The following TBX2 variants were observed in gnomAD, a reference collection of about 807,000 sequenced individuals.
The protein encoded by TBX2 is T-box transcription factor TBX2.
A neutral mutation model predicts 48.4 loss-of-function variants in TBX2; 19 were observed. That is an observed-to-expected ratio of 0.39 (90% CI 0.27 to 0.58). The LOEUF (loss-of-function observed/expected upper bound fraction) is 0.58. TBX2 is among the 20% of genes least tolerant of loss of function. The pLI is 0.54. For missense variants in TBX2, 994 were observed against 1,006.5 expected (o/e 0.99, Z 0.17); for synonymous variants, 522 against 459.7 (o/e 1.14, Z -1.73).
Position 61,403,275 on chromosome 17 carries a change from C to A in TBX2, c.810+68C>A. On this transcript the variant is annotated intron_variant, in intron 3 of 6. Coordinates refer to ENST00000240328, the MANE Select transcript of TBX2 (RefSeq NM_005994.4). The surrounding 1 kb of genome is among the most constrained non-coding windows in gnomAD (Gnocchi z 5.8). ...CCTCAACACGTGCAGGCCCAACCGT[C>A]CGTTCATCGCCCCTCGAAGCCCCCT... 1.3e-6 allele frequency: 2 copies of A among 1,572,664 alleles called. No homozygotes were observed. Among genetic ancestry groups the A allele is most frequent in the South Asian group, 2.3e-5 (2 of 87,156 alleles).
Position 61,405,408 on chromosome 17 carries a change from A to C in TBX2, c.1258A>C (p.Arg420=). 1 of 1,542,256 alleles carries C rather than the reference A, an allele frequency of 6.5e-7. No homozygotes were observed. Among genetic ancestry groups the C allele is most frequent in the Non-Finnish European group, 8.7e-7 (1 of 1,147,946 alleles). ...ESGGDGPFGL[R]SLEKERAEAR... ...CGGCGGGGACGGCCCGTTCGGCCTGAGGAGCCTGGAGAAGGAGCGCGCCGA... is the reference window on the plus strand; with the variant it reads ...CGGCGGGGACGGCCCGTTCGGCCTGCGGAGCCTGGAGAAGGAGCGCGCCGA... Residue 420 remains arginine, a synonymous_variant, in exon 6 of 7, where the codon AGG becomes CGG. Coordinates refer to ENST00000240328, the MANE Select transcript of TBX2 (RefSeq NM_005994.4).
In TBX2 at chr17:61,404,700, C is replaced by A. The variant is rs747359210; in HGVS notation, c.982C>A (p.Pro328Thr). The change falls in exon 5 of 7, where the codon CCC becomes ACC. Residue 328 changes from proline (P) to threonine (T), a missense_variant. Coordinates refer to ENST00000240328, the MANE Select transcript of TBX2 (RefSeq NM_005994.4). ...GTCAGACGCCTCGTCGTGCGACCCT[C>A]CCCCCGCGCGGGAACCACCCACCTC... ...AESDASSCDP[P>T]PAREPPTSPG... 26 of 1,568,518 alleles carry A rather than the reference C, an allele frequency of 1.7e-5. No individual in the cohort carries two copies. The African/African-American group carries it at 1.9e-4, about 11-fold the overall frequency.
chr17:61,408,371 G>A lies in TBX2; in HGVS notation c.2004G>A (p.Gly668=), dbSNP rs1449601635. The A allele has an allele frequency of 1.3e-6, 2 of 1,577,058 alleles. No individual in the cohort carries two copies. Among genetic ancestry groups the A allele is most frequent in the African/African-American group, 2.7e-5 (2 of 73,586 alleles). ...CCGAGCTGGCTCTCCGCAAAGTAGG[G>A]GCCCCATCCCGCGGTGCCCTGTCGC... ...PLPELALRKV[G]APSRGALSPS... The change falls in exon 7 of 7, where the codon GGG becomes GGA. Residue 668 remains glycine, a synonymous_variant. Coordinates refer to ENST00000240328, the MANE Select transcript of TBX2 (RefSeq NM_005994.4).
Position 61,409,203 on chromosome 17 carries a change from T to C in TBX2, c.*697T>C, listed in dbSNP as rs973671671. On this transcript the variant is annotated 3_prime_UTR_variant, in exon 7 of 7. Coordinates refer to ENST00000240328, the MANE Select transcript of TBX2 (RefSeq NM_005994.4). Reference sequence around the variant, plus strand: ...ATTGCTGTGTACATATATTTAGAGATTAACTCATACATTTAAAGTTTTTTT... The same window carrying C: ...ATTGCTGTGTACATATATTTAGAGACTAACTCATACATTTAAAGTTTTTTT... 4.6e-5 allele frequency: 7 copies of C among 152,664 alleles called. No individual in the cohort carries two copies. The highest frequency in any genetic ancestry group is 1.7e-4 in the African/African-American group (7 of 41,472). The allele number at this position is 152,664 out of a possible 1,614,324, so 9.5% of individuals were successfully genotyped here.
Position 61,408,113 on chromosome 17 carries a change from A to C in TBX2, c.1746A>C (p.Ala582=). The C allele has an allele frequency of 6.2e-7, 1 of 1,609,974 alleles. No individual in the cohort carries two copies. The highest frequency in any genetic ancestry group is 1.3e-5 in the African/African-American group (1 of 74,968). Residue 582 remains alanine (A), a synonymous_variant, in exon 7 of 7, where the codon GCA becomes GCC. Coordinates refer to ENST00000240328, the MANE Select transcript of TBX2 (RefSeq NM_005994.4). ...CCTACCCCTACACCTACATGGCAGC[A>C]GCAGCCGCAGCCGCCTCGGCTTTGC... ...LFPYPYTYMA[A]AAAAASALPA...
Position 61,404,666 on chromosome 17 carries a change from T to G in TBX2, c.948T>G (p.Asp316Glu), listed in dbSNP as rs1300270436. The stretch of plus-strand genomic sequence containing the variant: ...AGGAGCACTGCAAACCCGAGCGCGA[T>G]GGCGCGGAGTCAGACGCCTCGTCGT... ...LYEEHCKPERDGAESDASSCD... is the reference protein window; with the variant it reads ...LYEEHCKPEREGAESDASSCD... Residue 316 changes from aspartate to glutamate, a missense_variant, in exon 5 of 7, where the codon GAT (aspartate) becomes GAG (glutamate). By Grantham distance (45) the Asp-to-Glu change is conservative (BLOSUM62 2). Coordinates refer to ENST00000240328, the MANE Select transcript of TBX2 (RefSeq NM_005994.4). The G allele has an allele frequency of 6.3e-7, 1 of 1,587,220 alleles. No homozygotes were observed. The highest frequency in any genetic ancestry group is 8.6e-7 in the Non-Finnish European group (1 of 1,167,290).
chr17:61,402,090 C>T (rs1424142218), intron 2 of TBX2, 139 bp downstream of exon 2: 1 of 1,307,526 alleles, frequency 7.6e-7, no homozygotes, highest in African/African-American at 1.5e-5. Flanking sequence ...GGGTCACTGC[C>T]CTGTGGTCTA....
chr17:61,401,542 G>GGT, intron 1 of TBX2, 142 bp from the exon 2 acceptor site: 1 of 1,200,600 alleles, frequency 8.3e-7, no homozygotes, highest in Non-Finnish European at 1.1e-6. Flanking sequence ...GCAGTGATGA[G>GGT]AGGGCAGAGC....
chr17:61,407,995 C>T, intron 6 of TBX2, 59 bp from the exon 7 acceptor site: 14 of 1,509,740 alleles, frequency 9.3e-6, no homozygotes, highest in Non-Finnish European at 1.2e-5. Context: ...GCACCCAGCC[C>T]AACTTCAGAA....
Position 61,400,377 on chromosome 17 carries a change from G to GGCC in TBX2, c.203_204insCGC (p.Ala71dup). On this transcript the variant is annotated inframe_insertion, in exon 1 of 7. Transcript: ENST00000240328. This position sits in a 1 kb window ranked among gnomAD's most constrained non-coding sequence, Gnocchi z 9.2. ...GGGCGGCGGCCGCGGCGGCGGCGGCGGCAGCAGCGGCCGAGGCGGGGCTGC... is the reference window on the plus strand; with the variant it reads ...GGGCGGCGGCCGCGGCGGCGGCGGCGGCCGCAGCAGCGGCCGAGGCGGGGCTGC... The GGCC allele has an allele frequency of 8.9e-7, 1 of 1,119,002 alleles. No homozygotes were observed. The highest frequency in any genetic ancestry group is 1.1e-6 in the Non-Finnish European group (1 of 916,556). 69.3% of individuals were successfully genotyped at this position (1,119,002 alleles called of 1,614,324 possible).
In TBX2 at chr17:61,404,766, C is replaced by A; in HGVS notation, c.1048C>A (p.Arg350=). The change falls in exon 5 of 7, where the codon CGA becomes AGA. Residue 350 remains arginine (R), a synonymous_variant. Coordinates refer to ENST00000240328, the MANE Select transcript of TBX2 (RefSeq NM_005994.4). Reference sequence around the variant, plus strand: ...CAGTCCGCTGCGCCTGCACCGGGCCCGAGGTGAGGGTCGGACCGGAGGAGG... The same window carrying A: ...CAGTCCGCTGCGCCTGCACCGGGCCAGAGGTGAGGGTCGGACCGGAGGAGG... ...APSPLRLHRA[R]AEEKSCAADS... 6.5e-7 allele frequency: 1 copy of A among 1,546,664 alleles called. No individual in the cohort carries two copies. The highest frequency in any genetic ancestry group is 8.7e-7 in the Non-Finnish European group (1 of 1,149,446).
rs1057987 is a variant in TBX2 at position 61,408,194 on chromosome 17, C to A, written c.1827C>A (p.Ser609Arg). 6.2e-7 allele frequency: 1 copy of A among 1,612,442 alleles called. No individual in the cohort carries two copies. Among genetic ancestry groups the A allele is most frequent in the African/African-American group, 1.3e-5 (1 of 74,860 alleles). The part of the protein sequence containing the change: ...AAAAAGSLSR[S>R]PFLGSARPRL... ...CAGCCGCCGGCTCCCTCTCCCGGAG[C>A]CCCTTCCTGGGCAGTGCCCGGCCCC... Residue 609 changes from serine to arginine, a missense_variant, in exon 7 of 7, where the codon AGC (serine) becomes AGA (arginine). Physicochemically the swap from Ser to Arg is moderately radical, Grantham distance 110. Coordinates refer to ENST00000240328, the MANE Select transcript of TBX2 (RefSeq NM_005994.4).
intron 1 of TBX2, among the ~76,000 whole-genome samples, chr17:61,401,098 C>T (rs2060262258): frequency 6.6e-6 from 1 of 152,202 alleles, no homozygotes; most frequent in South Asian, 2.1e-4. Flanking sequence ...CCGCGGGCAT[C>T]CGAGCCCTGG....
chr17:61,400,264 C>A lies in TBX2; in HGVS notation c.88C>A (p.Leu30Met). The A allele has an allele frequency of 8.3e-7, 1 of 1,198,712 alleles. No individual in the cohort carries two copies. Among genetic ancestry groups the A allele is most frequent in the Non-Finnish European group, 1.1e-6 (1 of 942,532 alleles). 74.3% of individuals were successfully genotyped at this position (1,198,712 alleles called of 1,614,324 possible). A position where few individuals can be genotyped will look rare whatever the true frequency, so the allele number is the denominator to read the frequency against. Residue 30 changes from leucine (L) to methionine (M), a missense_variant, in exon 1 of 7, where the codon CTG (leucine) becomes ATG (methionine). Physicochemically the swap from Leu to Met is conservative, Grantham distance 15. This residue lies in a region of TBX2 where 165 missense variants were observed against 136.8 expected (regional missense o/e 1.21). Transcript: ENST00000240328. The surrounding 1 kb of genome is among the most constrained non-coding windows in gnomAD (Gnocchi z 9.2). Reference protein sequence around the residue: ...RPADFPMSAFLAAAQPSFFPA... With the variant: ...RPADFPMSAFMAAAQPSFFPA... ...CGCCGACTTCCCCATGTCCGCCTTT[C>A]TGGCGGCGGCGCAGCCCTCCTTCTT...
At position 61,401,255 on chromosome 17, in the gene TBX2, G is replaced by T. The variant is rs117372722; in HGVS notation, c.396-429G>T. Among the ~76,000 whole-genome samples the T allele has an allele frequency of 9.2e-3, 1,391 of 151,888 alleles. 7 individuals are homozygous for T. The highest frequency in any genetic ancestry group is 0.012 in the Non-Finnish European group (828 of 67,984). ...CCAGGATGTCTTATCAGGCTCTGTA[G>T]CCCAGTTCCCAATACAAACACCCTC... On this transcript the variant is annotated intron_variant, in intron 1 of 6. Transcript: ENST00000240328.
chr17:61,407,699 G>T (rs917795274), intron 6 of TBX2: 2 of 239,932 alleles, frequency 8.3e-6, no homozygotes, highest in South Asian at 1.2e-4. Flanking sequence ...GACACCCAAA[G>T]CTGCCTGTTT....
In TBX2 at chr17:61,404,729, G is replaced by A. The variant is rs774436877; in HGVS notation, c.1011G>A (p.Pro337=). 3 of 1,553,594 alleles carry A rather than the reference G, an allele frequency of 1.9e-6. No homozygotes were observed. Among genetic ancestry groups the A allele is most frequent in the South Asian group, 2.3e-5 (2 of 85,198 alleles). ...PPPAREPPTS[P]GAAPSPLRLH... ...CCGCGCGGGAACCACCCACCTCCCCGGGCGCAGCGCCCAGTCCGCTGCGCC... is the reference window on the plus strand; with the variant it reads ...CCGCGCGGGAACCACCCACCTCCCCAGGCGCAGCGCCCAGTCCGCTGCGCC... Residue 337 remains proline, a synonymous_variant, in exon 5 of 7, where the codon CCG becomes CCA. Coordinates refer to ENST00000240328, the MANE Select transcript of TBX2 (RefSeq NM_005994.4).
chr17:61,404,976 C>T, intron 5 of TBX2: 1 of 1,254,292 alleles, frequency 8.0e-7, no homozygotes, highest in Non-Finnish European at 1.1e-6. Context: ...GAGCCTGGCC[C>T]CTTGGGCGCC....
At position 61,407,970 on chromosome 17, in the gene TBX2, G is replaced by A. The variant is rs1201710439; in HGVS notation, c.1687-84G>A. 1.0e-5 allele frequency: 15 copies of A among 1,458,918 alleles called. No homozygotes were observed. In the South Asian group the frequency reaches 1.5e-4, roughly 15 times the overall value. The allele number at this position is 1,458,918 out of a possible 1,614,324, so 90.4% of individuals were successfully genotyped here. On this transcript the variant is annotated intron_variant, in intron 6 of 6. Coordinates refer to ENST00000240328, the MANE Select transcript of TBX2 (RefSeq NM_005994.4). ...TTACATCCCTAAAACAGAAGGGCAC[G>A]GTGTCCAGGGGATAGCACCCAGCCC...
Sources: gnomAD v4.1 joint callset for allele counts (sites outside exome capture counted in the v4.1 genomes callset) on GRCh38, gnomAD v4.1.1 for gene constraint, gnomAD v4.1.1 regional missense constraint, Gnocchi (gnomAD v3.1) non-coding constraint, MANE v1.5 for transcripts, NCBI Gene and HGNC (gene_info 2026-07-23, HGNC 2026-07-21) for gene names.